CATSPERG: variants seen among roughly 807,000 people sequenced by gnomAD.
CATSPERG encodes the protein cation channel sperm-associated auxiliary subunit gamma.
Under a neutral mutation model 145.0 loss-of-function variants are expected in CATSPERG, and 115 were observed. That is an observed-to-expected ratio of 0.79 (90% CI 0.68 to 0.93). The LOEUF is 0.93. CATSPERG is among the 40% of genes least tolerant of loss of function. The pLI is 0.00. For synonymous variants in CATSPERG, 588 were observed against 589.0 expected (o/e 1.00, Z 0.02); for missense variants, 1,296 against 1,490.1 (o/e 0.87, Z 2.14).
At chr19:38,358,777 T>G (rs537062346) in intron 13 of CATSPERG, among the ~76,000 whole-genome samples, 1 of 152,274 alleles carries the variant, frequency 6.6e-6, no homozygotes, top group Non-Finnish European at 1.5e-5. Context: ...GGGAGCCCTT[T>G]TCTTAAAATG....
intron 26 of CATSPERG, 35 bp from the exon 27 acceptor site, chr19:38,369,937 G>A (rs372714060): frequency 1.2e-5 from 20 of 1,602,834 alleles, no homozygotes; most frequent in Non-Finnish European, 1.6e-5. Flanking sequence ...ACTAGGCATG[G>A]TTGGTAGCAC....
intron 6 of CATSPERG, among the ~76,000 whole-genome samples, chr19:38,344,744 GTA>G (rs1970000668): frequency 8.8e-6 from 1 of 113,478 alleles, no homozygotes. Flanking sequence ...GTACATACCT[GTA>G]CATACATATA....
chr19:38,351,414 C>T (rs1483830512), intron 7 of CATSPERG, among the ~76,000 whole-genome samples: 2 of 152,126 alleles, frequency 1.3e-5, no homozygotes, highest in Admixed American at 6.6e-5. Context: ...CGAGACCATC[C>T]TGGCTAACAT....
chr19:38,340,403 C>A (rs1376790260), intron 3 of CATSPERG, among the ~76,000 whole-genome samples: 3 of 151,668 alleles, frequency 2.0e-5, no homozygotes, highest in Admixed American at 6.6e-5. Context: ...TCAGTACAGC[C>A]TACACATTCT....
intron 3 of CATSPERG, among the ~76,000 whole-genome samples, chr19:38,341,920 T>A (rs1568371313): frequency 6.7e-6 from 1 of 150,326 alleles, no homozygotes; most frequent in East Asian, 2.0e-4. Flanking sequence ...AAATAAAAAA[T>A]AAAAAAATTA....
chr19:38,337,552 T>C, intron 2 of CATSPERG, 41 bp from the exon 3 acceptor site: 1 of 1,551,842 alleles, frequency 6.4e-7, no homozygotes, highest in Admixed American at 2.0e-5. Context: ...GAACCCGCAC[T>C]CCACTCATTT....
At chr19:38,359,831 GT>G (rs769643157) in intron 14 of CATSPERG, 1 of 1,234,850 alleles carries the variant, frequency 8.1e-7, no homozygotes, top group Non-Finnish European at 1.0e-6. Context: ...CAGTGTGGTC[GT>G]TCACTTCATA....
At chr19:38,336,484 G>A (rs1045396915) in intron 1 of CATSPERG, 3 of 300,496 alleles carry the variant, frequency 1.0e-5, no homozygotes, top group African/African-American at 2.2e-5. Context: ...AGCAAGCCCC[G>A]GGCGAGAAAC....
chr19:38,362,545 G>A lies in CATSPERG; in HGVS notation c.2327G>A (p.Gly776Asp), dbSNP rs1237824954. 3.7e-6 allele frequency: 6 copies of A among 1,613,864 alleles called. No homozygotes were observed. Among genetic ancestry groups the A allele is most frequent in the Non-Finnish European group, 5.1e-6 (6 of 1,180,024 alleles). The change falls in exon 19 of 29, where the codon GGC becomes GAC. Residue 776 changes from glycine (G) to aspartate (D), a missense_variant. Gly to Asp is a moderately conservative substitution (Grantham distance 94). Transcript: ENST00000409235. ...TTCGCCATCTTCCTGTCGGCGCAGG[G>A]CCACTCGTTCCGGACGCAGTCAGAA... ...YSFAIFLSAQ[G>D]HSFRTQSELG...
At chr19:38,347,242 G>C (rs1970055483) in intron 7 of CATSPERG, among the ~76,000 whole-genome samples, 1 of 152,130 alleles carries the variant, frequency 6.6e-6, no homozygotes, top group Admixed American at 6.6e-5. Flanking sequence ...ACTGGGCGTG[G>C]TAGTGGGCGC....
intron 10 of CATSPERG, 51 bp downstream of exon 10, chr19:38,356,594 T>C (rs1324299188): frequency 1.6e-5 from 25 of 1,601,692 alleles, no homozygotes; most frequent in Non-Finnish European, 2.0e-5. Context: ...GAACTGAGGA[T>C]GCAGAAGAGC....
rs1346696650 is a variant in CATSPERG at position 38,337,398 on chromosome 19, G to T, written c.164G>T (p.Arg55Met). The T allele has an allele frequency of 6.4e-7, 1 of 1,551,832 alleles. No individual in the cohort carries two copies. The highest frequency in any genetic ancestry group is 8.7e-7 in the Non-Finnish European group (1 of 1,147,056). The change falls in exon 2 of 29, where the codon AGG (arginine) becomes ATG (methionine). Residue 55 changes from arginine (R) to methionine (M), a missense_variant. Transcript: ENST00000409235. Reference protein sequence around the residue: ...TWQVVLNEFKRVGESGVSDSF... With the variant: ...TWQVVLNEFKMVGESGVSDSF... ...CAGGTTGTCCTGAACGAGTTTAAGA[G>T]GGTAGGCGAGAGTGGTGTGAGCGAC...
In CATSPERG at chr19:38,361,776, G is replaced by T. The variant is rs1003951349; in HGVS notation, c.2009G>T (p.Arg670Leu). The T allele has an allele frequency of 5.0e-6, 8 of 1,612,986 alleles. No homozygotes were observed. Among genetic ancestry groups the T allele is most frequent in the Non-Finnish European group, 5.9e-6 (7 of 1,179,650 alleles). Residue 670 changes from arginine (R) to leucine (L), a missense_variant, in exon 17 of 29, where the codon CGC becomes CTC. By Grantham distance (102) the Arg-to-Leu change is moderately radical. Coordinates refer to ENST00000409235, the MANE Select transcript of CATSPERG (RefSeq NM_021185.5). Reference sequence around the variant, plus strand: ...GCGCGGCCGCCGCGCGTCCTGGAGCGCTCGGGCTTCCACAACGAGAACTCG... The same window carrying T: ...GCGCGGCCGCCGCGCGTCCTGGAGCTCTCGGGCTTCCACAACGAGAACTCG... ...YRARPPRVLE[R>L]SGFHNENSLA... is the part of the protein sequence containing the mutation.
intron 12 of CATSPERG, 26 bp downstream of exon 12, chr19:38,358,354 T>C (rs753857613): frequency 2.4e-5 from 39 of 1,614,024 alleles, no homozygotes; most frequent in Non-Finnish European, 3.3e-5. Flanking sequence ...AGACGTGGCC[T>C]CAGGGTGGCT....
intron 3 of CATSPERG, among the ~76,000 whole-genome samples, chr19:38,340,609 C>T (rs999631907): frequency 6.6e-6 from 1 of 151,702 alleles, no homozygotes; most frequent in Non-Finnish European, 1.5e-5. Context: ...TGTGAGCCAC[C>T]GCGCCCGGCC....
Position 38,352,225 on chromosome 19 carries a change from G to A in CATSPERG, c.826-36G>A, listed in dbSNP as rs1405072065. 5.2e-6 allele frequency: 8 copies of A among 1,547,216 alleles called. No individual in the cohort carries two copies. The East Asian group carries it at 7.3e-5, about 14-fold the overall frequency. ...GCAGGACATGGGGGCTGAGGCCAAG[G>A]CCACCTGCTCACCACTAGCCTCTGC... On this transcript the variant is annotated intron_variant, in intron 7 of 28. Coordinates refer to ENST00000409235, the MANE Select transcript of CATSPERG (RefSeq NM_021185.5).
At chr19:38,358,642 G>C (rs2145095720) in intron 13 of CATSPERG, 81 bp downstream of exon 13, 1 of 1,554,718 alleles carries the variant, frequency 6.4e-7, no homozygotes, top group East Asian at 2.2e-5. Context: ...TTCAAGCCCA[G>C]GCTAGGCAAG....
rs1238345395 is a variant in CATSPERG, at chr19:38,352,409, T to G, written c.974T>G (p.Leu325Arg). Residue 325 changes from leucine to arginine, a missense_variant, in exon 8 of 29, where the codon CTC (leucine) becomes CGC (arginine). By Grantham distance (102) the Leu-to-Arg change is moderately radical. Coordinates refer to ENST00000409235, the MANE Select transcript of CATSPERG (RefSeq NM_021185.5). ...TATTTTACAGGCACCTATACCACAC[T>G]CTATGAGAGAAACCGCGGCAGTGGT... ...VYYFTGTYTT[L>R]YERNRGSGSW... 6.4e-7 allele frequency: 1 copy of G among 1,551,184 alleles called. No individual in the cohort carries two copies. Among genetic ancestry groups the G allele is most frequent in the Non-Finnish European group, 8.7e-7 (1 of 1,147,042 alleles).
chr19:38,352,188 C>A, intron 7 of CATSPERG, 73 bp from the exon 8 acceptor site: 1 of 1,449,630 alleles, frequency 6.9e-7, no homozygotes, highest in Non-Finnish European at 9.4e-7. Context: ...AGAGCAGGAG[C>A]TTCCCCGCAA....
Sources: gnomAD v4.1 joint callset for allele counts (sites outside exome capture counted in the v4.1 genomes callset) on GRCh38, gnomAD v4.1.1 for gene constraint, MANE v1.5 for transcripts, NCBI Gene and HGNC (gene_info 2026-07-23, HGNC 2026-07-21) for gene names.